Variants in ETV4 observed in about 807,000 individuals in gnomAD.
The protein encoded by ETV4 is ETS translocation variant 4.
Under a neutral mutation model 65.9 loss-of-function variants are expected in ETV4, and 42 were observed. The ratio of observed to expected loss-of-function variants is 0.64; its 90% CI spans 0.50 to 0.82. The LOEUF (loss-of-function observed/expected upper bound fraction) is 0.82. Ranked by LOEUF, ETV4 falls within the 40% of genes least tolerant of loss-of-function variation. The pLI is 0.00. For synonymous variants in ETV4, 238 were observed against 260.0 expected (o/e 0.92, Z 0.81); for missense variants, 583 against 630.3 (o/e 0.92, Z 0.80).
intron 4 of ETV4, among the ~76,000 whole-genome samples, chr17:43,542,828 C>T (rs1340386621): frequency 6.6e-6 from 1 of 152,244 alleles, no homozygotes; most frequent in East Asian, 1.9e-4. Flanking sequence ...CAAATTGGGG[C>T]TTTGGAAAAA....
chr17:43,529,317 G>A (rs1199588685), intron 11 of ETV4, 81 bp from the exon 12 acceptor site: 2 of 1,466,730 alleles, frequency 1.4e-6, no homozygotes, highest in Non-Finnish European at 1.9e-6. Flanking sequence ...GAGCACTTGA[G>A]ATTCTTGGTG....
intron 4 of ETV4, 56 bp from the exon 5 acceptor site, chr17:43,536,535 G>T (rs984845503): frequency 1.0e-5 from 16 of 1,533,506 alleles, no homozygotes; most frequent in Non-Finnish European, 1.4e-5. Flanking sequence ...TCCCCTGGGA[G>T]GCTCCATTAT....
chr17:43,529,498 G>A lies in ETV4; in HGVS notation c.1128+6C>T, dbSNP rs1450565987. 1 of 1,603,262 alleles carries A rather than the reference G, an allele frequency of 6.2e-7. No homozygotes were observed. Among genetic ancestry groups the A allele is most frequent in the East Asian group, 2.2e-5 (1 of 44,640 alleles). ...AAGGAGGGCTGGGAACATCCGAGAG[G>A]CCCACCTCCTCAGGCTCAATGAGCT... On this transcript the variant is annotated splice_donor_region_variant and intron_variant, in intron 11 of 12. Coordinates refer to ENST00000319349, the MANE Select transcript of ETV4 (RefSeq NM_001079675.5).
At chr17:43,534,711 G>A (rs1025141724) in intron 5 of ETV4, among the ~76,000 whole-genome samples, 5 of 151,930 alleles carry the variant, frequency 3.3e-5, no homozygotes, top group African/African-American at 1.2e-4. Context: ...AGGCCGAGGC[G>A]GGCGGATCAC....
At position 43,532,751 on chromosome 17, in the gene ETV4, C is replaced by T; in HGVS notation, c.734G>A (p.Gly245Asp). The T allele has an allele frequency of 6.2e-7, 1 of 1,614,096 alleles. No homozygotes were observed. The highest frequency in any genetic ancestry group is 8.5e-7 in the Non-Finnish European group (1 of 1,180,008). The change falls in exon 8 of 13, where the codon GGT becomes GAT. Residue 245 changes from glycine to aspartate, a missense_variant. Coordinates refer to ENST00000319349, the MANE Select transcript of ETV4 (RefSeq NM_001079675.5). ...EQAGQPAVDQ[G>D]GVNGHRYPGA... ...TGGGTACCTGTGCCCATTGACCCCA[C>T]CCTGGTCCACGGCTGGCTGGCCCGC...
chr17:43,545,413 AGTCTGGGGGACGAG>A (rs1371121902), intron 2 of ETV4, 46 bp from the exon 3 acceptor site: 2 of 1,498,846 alleles, frequency 1.3e-6, no homozygotes, highest in Admixed American at 4.1e-5. Flanking sequence ...TGAGGCGCTT[AGTCTGGGGGACGAG>A]GTTGGGGTCC....
chr17:43,532,258 G>A (rs1366528332), intron 8 of ETV4, among the ~76,000 whole-genome samples: 1 of 152,230 alleles, frequency 6.6e-6, no homozygotes, highest in Admixed American at 6.5e-5. Flanking sequence ...ACAGCACTTT[G>A]GGAGGCCGAG....
At chr17:43,543,276 A>ACACT (rs1555559953) in intron 4 of ETV4, among the ~76,000 whole-genome samples, 10 of 138,258 alleles carry the variant, frequency 7.2e-5, no homozygotes, top group African/African-American at 1.6e-4. Context: ...ACACACACAC[A>ACACT]CTCTCTCTCT....
At chr17:43,533,388 G>A in intron 6 of ETV4, 40 bp from the exon 7 acceptor site, 2 of 1,579,594 alleles carry the variant, frequency 1.3e-6, no homozygotes, top group Non-Finnish European at 1.7e-6. Flanking sequence ...GGGCAGAGAA[G>A]CTGGAAAGCA....
At chr17:43,537,111 A>T (rs1971281847) in intron 4 of ETV4, among the ~76,000 whole-genome samples, 1 of 152,238 alleles carries the variant, frequency 6.6e-6, no homozygotes, top group South Asian at 2.1e-4. Context: ...CACGCCTATA[A>T]TCCCAGCACT....
rs182480733 is a variant in ETV4 at position 43,535,130 on chromosome 17, C to T, written c.257-1145G>A. On this transcript the variant is annotated intron_variant, in intron 5 of 12. Transcript: ENST00000319349. Reference sequence around the variant, plus strand: ...GAGCAGCAAAGAGTTGGTTCCAAGCCGGTGTGAGATTCAGTTTTAACCGCA... The same window carrying T: ...GAGCAGCAAAGAGTTGGTTCCAAGCTGGTGTGAGATTCAGTTTTAACCGCA... 2.8e-4 allele frequency among the ~76,000 whole-genome samples: 42 copies of T among 152,242 alleles called. No individual in the cohort carries two copies. In the East Asian group the frequency reaches 7.1e-3, roughly 26 times the overall value.
At position 43,530,175 on chromosome 17, in the gene ETV4, G is replaced by C; in HGVS notation, c.818C>G (p.Thr273Ser). Residue 273 changes from threonine (T) to serine (S), a missense_variant, in exon 9 of 13, where the codon ACC becomes AGC. Transcript: ENST00000319349. ...QTDFAYDSDVTGCASMYLHTE... is the reference protein window; with the variant it reads ...QTDFAYDSDVSGCASMYLHTE... ...GTGGAGGTACATTGATGCGCACCCG[G>C]TGACATCTGTGGGGGAAGAAGGGGT... 1.3e-6 allele frequency: 2 copies of C among 1,555,078 alleles called. No individual in the cohort carries two copies. Among genetic ancestry groups the C allele is most frequent in the Non-Finnish European group, 1.7e-6 (2 of 1,148,582 alleles).
intron 8 of ETV4, among the ~76,000 whole-genome samples, chr17:43,530,609 CGTGTGTGTGT>C (rs58803566): frequency 2.4e-4 from 28 of 119,060 alleles, no homozygotes; most frequent in Admixed American, 1.3e-3. Flanking sequence ...TGCACGCGCG[CGTGTGTGTGT>C]GTGTGTGTGT....
At chr17:43,544,749 G>C (rs1971713130) in intron 4 of ETV4, 1 of 498,906 alleles carries the variant, frequency 2.0e-6, no homozygotes. Flanking sequence ...CTCAAGCCTA[G>C]TTACACAAGC....
At chr17:43,537,991 G>A (rs1363338587) in intron 4 of ETV4, among the ~76,000 whole-genome samples, 1 of 152,082 alleles carries the variant, frequency 6.6e-6, no homozygotes, top group Non-Finnish European at 1.5e-5. Flanking sequence ...TTAGCCGGGT[G>A]TGGTGGCGGG....
Position 43,533,332 on chromosome 17 carries a change from T to TG in ETV4, c.399dup (p.Arg134GlnfsTer49), listed in dbSNP as rs745944421. ...GCAGGGGACTTGATGGCGATTTGTC[T>TG]GGGGGGGTCATAGGCACTGGAGTTG... On this transcript the variant is annotated frameshift_variant, in exon 7 of 13. Coordinates refer to ENST00000319349, the MANE Select transcript of ETV4 (RefSeq NM_001079675.5). LOFTEE classifies it high-confidence loss of function. The TG allele has an allele frequency of 1.7e-5, 27 of 1,612,774 alleles. No homozygotes were observed. The highest frequency in any genetic ancestry group is 1.6e-4 in the Middle Eastern group (1 of 6,076).
At chr17:43,530,045 C>A in intron 9 of ETV4, 62 bp downstream of exon 9, 1 of 1,609,004 alleles carries the variant, frequency 6.2e-7, no homozygotes. Context: ...GAGACCCTCC[C>A]CCATGGCAGC....
intron 6 of ETV4, 60 bp downstream of exon 6, chr17:43,533,799 C>T (rs1971088857): frequency 6.3e-7 from 1 of 1,588,200 alleles, no homozygotes; most frequent in Non-Finnish European, 8.5e-7. Flanking sequence ...ATGGGTGCCC[C>T]CTGCCTCCCT....
intron 4 of ETV4, chr17:43,543,927 C>T (rs1415087092): frequency 2.6e-5 from 4 of 152,016 alleles, no homozygotes; most frequent in Admixed American, 6.6e-5. Context: ...CTTTTTACTC[C>T]GAGCTTCTAT....
Sources: gnomAD v4.1 joint callset for allele counts (sites outside exome capture counted in the v4.1 genomes callset) on GRCh38, gnomAD v4.1.1 for gene constraint, MANE v1.5 for transcripts, NCBI Gene and HGNC (gene_info 2026-07-23, HGNC 2026-07-21) for gene names.